BRWD1: variants seen among roughly 807,000 people sequenced by gnomAD.
BRWD1 encodes the protein bromodomain and WD repeat-containing protein 1.
A neutral mutation model predicts 251.2 loss-of-function variants in BRWD1; 82 were observed. That is an observed-to-expected ratio of 0.33 (90% confidence interval 0.27 to 0.39). BRWD1 has a LOEUF of 0.39. Ranked by LOEUF, BRWD1 falls within the 10% of genes least tolerant of loss-of-function variation. The pLI, the probability that BRWD1 is intolerant of heterozygous loss-of-function variation, is 1.00. For missense variants in BRWD1, 2,233 were observed against 2,711.6 expected, an observed-to-expected ratio of 0.82 and a Z score of 3.92; for synonymous variants, 918 against 902.8, an observed-to-expected ratio of 1.02 and a Z score of -0.30.
At position 39,252,167 on chromosome 21, in the gene BRWD1, T is replaced by C. The variant is rs1023602004; in HGVS notation, c.2256-1278A>G. On this transcript the variant is annotated intron_variant, in intron 19 of 40. Coordinates refer to ENST00000342449, the MANE Select transcript of BRWD1 (RefSeq NM_033656.4). ...TGGAGGCTGAGGCAGGAGAATCGCT[T>C]GAACCAGGGAGGTGGAGGCTGAAGT... Among the ~76,000 whole-genome samples the C allele has an allele frequency of 2.0e-5, 3 of 149,646 alleles. No homozygotes were observed. The Admixed American group carries it at 2.0e-4, about 10-fold the overall frequency.
In BRWD1 at chr21:39,194,958, T is replaced by C. The variant is rs1601229637; in HGVS notation, c.*1301A>G. On this transcript the variant is annotated 3_prime_UTR_variant, in exon 41 of 41. Transcript: ENST00000342449. ...CCACTAAATATGTAAACCATTTGAATCAAGTCCATCTTCAGGCACAAACAA... is the reference window on the plus strand; with the variant it reads ...CCACTAAATATGTAAACCATTTGAACCAAGTCCATCTTCAGGCACAAACAA... 6.9e-7 allele frequency: 1 copy of C among 1,453,054 alleles called. No individual in the cohort carries two copies. The highest frequency in any genetic ancestry group is 9.0e-7 in the Non-Finnish European group (1 of 1,107,690). 90.0% of individuals were successfully genotyped at this position (1,453,054 alleles called of 1,614,324 possible). A position where few individuals can be genotyped will look rare whatever the true frequency, so the allele number is the denominator to read the frequency against.
upstream of BRWD1, chr21:39,313,952 C>T: frequency 5.8e-6 from 2 of 347,016 alleles, no homozygotes; most frequent in South Asian, 2.1e-5. Context: ...GTGCCGGGGG[C>T]GGAAGCGCGG....
intron 11 of BRWD1, among the ~76,000 whole-genome samples, 159 bp from the exon 12 acceptor site, chr21:39,276,372 T>G (rs1316745855): frequency 6.6e-6 from 1 of 152,190 alleles, no homozygotes; most frequent in Non-Finnish European, 1.5e-5. Flanking sequence ...TAATTTTAAG[T>G]GAAGACTAAC....
chr21:39,318,108 CT>C (rs577439897), upstream of BRWD1, among the ~76,000 whole-genome samples: 17 of 148,486 alleles, frequency 1.1e-4, no homozygotes, highest in East Asian at 3.9e-4. Flanking sequence ...AAATGGAAAG[CT>C]TTTTTTTTTA....
upstream of BRWD1, chr21:39,314,033 C>T (rs550847323): frequency 2.6e-4 from 118 of 455,446 alleles, no homozygotes; most frequent in African/African-American, 1.9e-3. Flanking sequence ...GCAGGGGCCC[C>T]GAGTCGCGGG....
At chr21:39,293,331 A>G (rs1227325481) in intron 8 of BRWD1, among the ~76,000 whole-genome samples, 1 of 152,042 alleles carries the variant, frequency 6.6e-6, no homozygotes, top group African/African-American at 2.4e-5. Flanking sequence ...TGTCTCTACT[A>G]AAAATACAAA....
At chr21:39,306,872 A>C (rs945795323) in intron 4 of BRWD1, among the ~76,000 whole-genome samples, 3 of 152,126 alleles carry the variant, frequency 2.0e-5, no homozygotes, top group African/African-American at 7.2e-5. Flanking sequence ...ATTTATTTTG[A>C]GATGGAGTTT....
intron 17 of BRWD1, 46 bp from the exon 18 acceptor site, chr21:39,258,718 CAAA>C (rs770726409): frequency 1.5e-6 from 2 of 1,337,414 alleles, no homozygotes; most frequent in African/African-American, 3.1e-5. Context: ...AAGCAGAAAA[CAAA>C]AAAAAATTTC....
chr21:39,275,501 T>C (rs943539630), intron 12 of BRWD1, among the ~76,000 whole-genome samples: 1 of 152,172 alleles, frequency 6.6e-6, no homozygotes, highest in Non-Finnish European at 1.5e-5. Flanking sequence ...CTAGACACTT[T>C]TCATTCAATT....
chr21:39,293,049 C>T (rs1243285719), intron 8 of BRWD1, among the ~76,000 whole-genome samples: 1 of 151,946 alleles, frequency 6.6e-6, no homozygotes, highest in Admixed American at 6.6e-5. Context: ...TTATATAAAA[C>T]CTAGGATTCG....
rs2031474513 is a variant in BRWD1 at position 39,190,189 on chromosome 21, CTAGT to C, written c.*6066_*6069del. On this transcript the variant is annotated 3_prime_UTR_variant, in exon 41 of 41. Coordinates refer to ENST00000342449, the MANE Select transcript of BRWD1 (RefSeq NM_033656.4). The stretch of plus-strand genomic sequence containing the variant: ...TAACAGTTCTGACTCAACACAATCT[CTAGT>C]TTCTACATTTCAAGGATTAATCATA... The C allele has an allele frequency of 1.0e-6, 1 of 984,010 alleles. No individual in the cohort carries two copies. Among genetic ancestry groups the C allele is most frequent in the Non-Finnish European group, 1.2e-6 (1 of 828,978 alleles). The allele number at this position is 984,010 out of a possible 1,614,324, so 61.0% of individuals were successfully genotyped here. A position where few individuals can be genotyped will look rare whatever the true frequency, so the allele number is the denominator to read the frequency against.
intron 21 of BRWD1, among the ~76,000 whole-genome samples, chr21:39,243,112 G>C (rs555350745): frequency 6.6e-6 from 1 of 152,286 alleles, no homozygotes; most frequent in South Asian, 2.1e-4. Context: ...ACCTTAGGAA[G>C]TGATCAAAGC....
chr21:39,244,921 A>ATATATATATATATAT (rs2034125656), intron 21 of BRWD1, among the ~76,000 whole-genome samples: 1 of 112,522 alleles, frequency 8.9e-6, no homozygotes, highest in African/African-American at 3.0e-5. Flanking sequence ...CTTTGGAAGA[A>ATATATATATATATAT]ATATATATAT....
Position 39,215,305 on chromosome 21 carries a change from A to G in BRWD1, c.3717T>C (p.Phe1239=), listed in dbSNP as rs772419654. 1 of 1,613,350 alleles carries G rather than the reference A, an allele frequency of 6.2e-7. No individual in the cohort carries two copies. Among genetic ancestry groups the G allele is most frequent in the Non-Finnish European group, 8.5e-7 (1 of 1,179,324 alleles). ...TTGCAATTACACTCTCAGGTTCGTTAAATGTTCTGGCATTATGTTCTATAT... is the reference window on the plus strand; with the variant it reads ...TTGCAATTACACTCTCAGGTTCGTTGAATGTTCTGGCATTATGTTCTATAT... ...VRYIEHNART[F]NEPESVIARS... is the part of the protein sequence containing the mutation. The change falls in exon 32 of 41, where the codon TTT becomes TTC. Residue 1239 remains phenylalanine (F), a synonymous_variant. Coordinates refer to ENST00000342449, the MANE Select transcript of BRWD1 (RefSeq NM_033656.4).
In BRWD1 at chr21:39,196,134, T is replaced by C; in HGVS notation, c.*125A>G. Reference sequence around the variant, plus strand: ...AACAGTCATGATTTAGTCACATTCATAACTTTTCATAGAAAAATATAAATA... The same window carrying C: ...AACAGTCATGATTTAGTCACATTCACAACTTTTCATAGAAAAATATAAATA... On this transcript the variant is annotated 3_prime_UTR_variant, in exon 41 of 41. Transcript: ENST00000342449. 1 of 1,450,256 alleles carries C rather than the reference T, an allele frequency of 6.9e-7. No homozygotes were observed. The highest frequency in any genetic ancestry group is 9.0e-7 in the Non-Finnish European group (1 of 1,109,208). The allele number at this position is 1,450,256 out of a possible 1,614,324, so 89.8% of individuals were successfully genotyped here.
At chr21:39,303,666 CA>C (rs36096633) in intron 4 of BRWD1, among the ~76,000 whole-genome samples, 1 of 149,658 alleles carries the variant, frequency 6.7e-6, no homozygotes. Flanking sequence ...CCCATCTCTA[CA>C]AAAAAAATAG....
intron 13 of BRWD1, 60 bp from the exon 14 acceptor site, chr21:39,270,493 A>C (rs2035064438): frequency 1.5e-6 from 2 of 1,364,568 alleles, no homozygotes; most frequent in South Asian, 1.4e-5. Flanking sequence ...CAATGTATAC[A>C]ATCTCTCATC....
At chr21:39,250,717 G>T in intron 20 of BRWD1, 79 bp downstream of exon 20, 1 of 901,778 alleles carries the variant, frequency 1.1e-6, no homozygotes, top group Non-Finnish European at 1.7e-6. Flanking sequence ...GAAAGTTACT[G>T]ATAGTTTTAT....
intron 26 of BRWD1, 106 bp from the exon 27 acceptor site, chr21:39,228,688 A>C (rs1160324984): frequency 1.7e-6 from 1 of 581,208 alleles, no homozygotes. Flanking sequence ...GTAATTTTTA[A>C]TTTTCAACCA....
Sources: gnomAD v4.1 joint callset for allele counts (sites outside exome capture counted in the v4.1 genomes callset) on GRCh38, gnomAD v4.1.1 for gene constraint, MANE v1.5 for transcripts, NCBI Gene and HGNC (gene_info 2026-07-23, HGNC 2026-07-21) for gene names.